RASGRF2: variants seen among roughly 807,000 people sequenced by gnomAD.
The protein encoded by RASGRF2 is Ras protein specific guanine nucleotide releasing factor 2.
Under a neutral mutation model 151.0 loss-of-function variants are expected in RASGRF2, and 76 were observed. The observed-to-expected ratio is 0.50, with a 90% CI of 0.42 to 0.61. The LOEUF (loss-of-function observed/expected upper bound fraction) is 0.61, where lower values mean the gene tolerates loss of function less well. RASGRF2 is among the 20% of genes least tolerant of loss of function. The pLI is 0.00. For missense variants in RASGRF2, 1,148 were observed against 1,564.6 expected (o/e 0.73, Z 4.49); for synonymous variants, 504 against 566.5 (o/e 0.89, Z 1.57).
At chr5:81,185,465 A>G (rs1244405518) in intron 18 of RASGRF2, among the ~76,000 whole-genome samples, 1 of 152,136 alleles carries the variant, frequency 6.6e-6, no homozygotes, top group African/African-American at 2.4e-5. Flanking sequence ...GGTGAAAAAG[A>G]CCACTGGCAG....
intron 1 of RASGRF2, among the ~76,000 whole-genome samples, chr5:81,024,749 G>C (rs7722697): frequency 6.6e-6 from 1 of 152,036 alleles, no homozygotes; most frequent in African/African-American, 2.4e-5. Flanking sequence ...ATGAAGTCTT[G>C]GGCAGGCCCA....
intron 1 of RASGRF2, among the ~76,000 whole-genome samples, chr5:80,998,544 A>G (rs1226377847): frequency 1.3e-5 from 2 of 152,218 alleles, no homozygotes. Context: ...GTTTAAATAC[A>G]TTCTCTTTCC....
intron 12 of RASGRF2, among the ~76,000 whole-genome samples, chr5:81,095,529 G>A (rs1752522809): frequency 6.6e-6 from 1 of 152,136 alleles, no homozygotes; most frequent in South Asian, 2.1e-4. Flanking sequence ...TTGGGGAATT[G>A]CTCCATTTAT....
chr5:81,059,351 TCCAG>T (rs1423113305), intron 2 of RASGRF2, among the ~76,000 whole-genome samples: 1 of 137,742 alleles, frequency 7.3e-6, no homozygotes, highest in African/African-American at 2.8e-5. Flanking sequence ...ACCACTGCAC[TCCAG>T]CCTGGGTGAC....
At chr5:81,139,401 CTTTCTTT>C (rs1324160731) in intron 17 of RASGRF2, among the ~76,000 whole-genome samples, 3 of 137,444 alleles carry the variant, frequency 2.2e-5, no homozygotes, top group East Asian at 2.0e-4. Flanking sequence ...TTCTTTCTTT[CTTTCTTT>C]TTTTTTTTTT....
At chr5:81,218,300 A>T (rs917023523) in intron 25 of RASGRF2, among the ~76,000 whole-genome samples, 1 of 152,148 alleles carries the variant, frequency 6.6e-6, no homozygotes, top group East Asian at 1.9e-4. Flanking sequence ...GGTTTTTCCA[A>T]TGTTATCTTC....
In RASGRF2 at chr5:81,227,210, C is replaced by G. The variant is rs973051618; in HGVS notation, c.*1440C>G. 38 of 152,172 alleles carry G rather than the reference C, an allele frequency of 2.5e-4. No homozygotes were observed. Among genetic ancestry groups the G allele is most frequent in the Non-Finnish European group, 5.0e-4 (34 of 68,028 alleles). 9.4% of individuals were successfully genotyped at this position (152,172 alleles called of 1,614,324 possible). ...CTTTCCTTGCACTTTAATTATGTTGCTAGAGCTAACAGACTAATAAATTCC... is the reference window on the plus strand; with the variant it reads ...CTTTCCTTGCACTTTAATTATGTTGGTAGAGCTAACAGACTAATAAATTCC... On this transcript the variant is annotated 3_prime_UTR_variant, in exon 27 of 27. Coordinates refer to ENST00000265080, the MANE Select transcript of RASGRF2 (RefSeq NM_006909.3).
chr5:81,093,326 A>G (rs746607974), intron 10 of RASGRF2, among the ~76,000 whole-genome samples: 2 of 152,226 alleles, frequency 1.3e-5, no homozygotes, highest in African/African-American at 2.4e-5. Flanking sequence ...AATATTTGCT[A>G]AATCCTATTT....
chr5:81,060,685 C>T (rs1004418954), intron 2 of RASGRF2, among the ~76,000 whole-genome samples: 1 of 152,186 alleles, frequency 6.6e-6, no homozygotes, highest in African/African-American at 2.4e-5. Flanking sequence ...AATTTGGACT[C>T]GCAGGAACCC....
Position 81,085,872 on chromosome 5 carries a change from G to A in RASGRF2, c.1232G>A (p.Ser411Asn). ...HTPHEHVERK[S>N]LEFAKSKLEE... ...CCCCATGAGCATGTGGAAAGGAAAA[G>A]CCTGGAGTTTGCCAAATCAAAGCTA... The change falls in exon 8 of 27, where the codon AGC becomes AAC. Residue 411 changes from serine to asparagine, a missense_variant. Ser to Asn is a conservative substitution (Grantham distance 46). Transcript: ENST00000265080. The A allele has an allele frequency of 6.2e-7, 1 of 1,614,090 alleles. No individual in the cohort carries two copies. Among genetic ancestry groups the A allele is most frequent in the African/African-American group, 1.3e-5 (1 of 75,014 alleles).
chr5:81,129,776 C>T (rs1019769729), intron 17 of RASGRF2, among the ~76,000 whole-genome samples: 1 of 152,164 alleles, frequency 6.6e-6, no homozygotes, highest in African/African-American at 2.4e-5. Flanking sequence ...TCCTGTCTTC[C>T]GTTCTCACTC....
Position 81,094,346 on chromosome 5 carries a change from T to A in RASGRF2, c.1602T>A (p.Asp534Glu). ...ACTGCACATTGATTGAGGAGCCAGA[T>A]GCAAGCGATGATGACTGTAAGTCAC... is the stretch of plus-strand genomic sequence containing the variant. ...LIDCTLIEEPDASDDDSKGSG... is the reference protein window; with the variant it reads ...LIDCTLIEEPEASDDDSKGSG... Residue 534 changes from aspartate (D) to glutamate (E), a missense_variant, in exon 11 of 27, where the codon GAT becomes GAA. Around this residue, in one of 5 missense-constraint regions of RASGRF2, gnomAD observed 646 missense variants for 807.4 expected, o/e 0.80. Coordinates refer to ENST00000265080, the MANE Select transcript of RASGRF2 (RefSeq NM_006909.3). 1.2e-6 allele frequency: 2 copies of A among 1,613,114 alleles called. No homozygotes were observed. The highest frequency in any genetic ancestry group is 1.7e-6 in the Non-Finnish European group (2 of 1,179,720).
At chr5:81,179,715 A>G (rs67676263) in intron 17 of RASGRF2, among the ~76,000 whole-genome samples, 5,609 of 152,322 alleles carry the variant, frequency 0.037, 155 homozygotes, top group Non-Finnish European at 0.06. Flanking sequence ...TTCTCAGTAC[A>G]GGGATGCACA....
At chr5:81,024,796 C>A (rs572705291) in intron 1 of RASGRF2, among the ~76,000 whole-genome samples, 1 of 152,180 alleles carries the variant, frequency 6.6e-6, no homozygotes, top group Admixed American at 6.5e-5. Flanking sequence ...ATAAAAAGTT[C>A]TCTGGTCACA....
At chr5:80,979,551 T>G (rs1580162134) in intron 1 of RASGRF2, among the ~76,000 whole-genome samples, 1 of 152,216 alleles carries the variant, frequency 6.6e-6, no homozygotes, top group East Asian at 1.9e-4. Context: ...TACGTATGAT[T>G]GATGTACTAA....
intron 1 of RASGRF2, among the ~76,000 whole-genome samples, chr5:80,972,759 C>T (rs1747980428): frequency 6.6e-6 from 1 of 152,204 alleles, no homozygotes; most frequent in Non-Finnish European, 1.5e-5. Context: ...GGATTACAGG[C>T]GTGAGCCACC....
intron 5 of RASGRF2, 77 bp downstream of exon 5, chr5:81,073,529 A>G (rs1291615908): frequency 9.0e-6 from 13 of 1,442,978 alleles, no homozygotes; most frequent in Admixed American, 2.3e-5. Flanking sequence ...CTTAATCTTT[A>G]AAAGGGTCTC....
In RASGRF2 at chr5:81,140,780, C is replaced by T. The variant is rs562181954; in HGVS notation, c.2686+13617C>T. ...GCTCTCTTCTATTACTGTCTCTTCT[C>T]AGCAAAGGTACAATGTAGTTGATTA... On this transcript the variant is annotated intron_variant, in intron 17 of 26. Coordinates refer to ENST00000265080, the MANE Select transcript of RASGRF2 (RefSeq NM_006909.3). 7.0e-4 allele frequency among the ~76,000 whole-genome samples: 107 copies of T among 152,294 alleles called. 2 individuals carry two copies. Among genetic ancestry groups the T allele is most frequent in the African/African-American group, 2.4e-3 (99 of 41,562 alleles).
intron 5 of RASGRF2, among the ~76,000 whole-genome samples, chr5:81,077,231 A>G (rs1366539099): frequency 6.6e-6 from 1 of 152,182 alleles, no homozygotes; most frequent in Non-Finnish European, 1.5e-5. Flanking sequence ...AAATTGAGAC[A>G]GGGAAGGGAT....
Sources: allele counts gnomAD v4.1 joint callset (sites outside exome capture counted in the v4.1 genomes callset), GRCh38; gene constraint gnomAD v4.1.1; regional missense constraint gnomAD v4.1.1; transcripts MANE v1.5; gene names NCBI Gene and HGNC (gene_info 2026-07-23, HGNC 2026-07-21).